The following GSDME variants were observed in gnomAD, a reference collection of about 807,000 sequenced individuals.
GSDME encodes the protein gasdermin-E.
In GSDME, 44 loss-of-function variants were observed where a neutral mutation model predicts 47.5. The ratio of observed to expected loss-of-function variants is 0.93; its 90% confidence interval spans 0.73 to 1.19. The LOEUF is 1.19. Ranked by LOEUF, GSDME falls within the 50% of genes most tolerant of loss-of-function variation. The pLI is 0.00. For synonymous variants in GSDME, 258 were observed against 252.8 expected, an observed-to-expected ratio of 1.02 and a Z score of -0.20; for missense variants, 663 against 604.2, an observed-to-expected ratio of 1.10 and a Z score of -1.02.
chr7:24,722,611 G>A (rs922612623), intron 3 of GSDME, among the ~76,000 whole-genome samples: 1 of 152,164 alleles, frequency 6.6e-6, no homozygotes, highest in African/African-American at 2.4e-5. Context: ...AGTCTGATGT[G>A]ACTCTGCTGG....
rs1187472622 is a variant in GSDME at position 24,735,917 on chromosome 7, TTTTA to T, written c.404+8641_404+8644del. On this transcript the variant is annotated intron_variant, in intron 3 of 9. Coordinates refer to ENST00000645220, the MANE Select transcript of GSDME (RefSeq NM_001127453.2). This position sits in a 1 kb window ranked among gnomAD's most constrained non-coding sequence, Gnocchi z 4.4. ...GGCGTGGAGTTTGTATTCATTTTCT[TTTTA>T]TTTGTTTATGCTAGCAGTGTTAAGT... Among the ~76,000 whole-genome samples the T allele has an allele frequency of 6.6e-6, 1 of 152,142 alleles. No homozygotes were observed. Among genetic ancestry groups the T allele is most frequent in the Non-Finnish European group, 1.5e-5 (1 of 68,020 alleles).
chr7:24,775,862 G>T, the GSDME span, among the ~76,000 whole-genome samples: 1 of 103,706 alleles, frequency 9.6e-6, no homozygotes, highest in African/African-American at 4.0e-5. Flanking sequence ...GTGACAGAGT[G>T]AGATTCCATC....
chr7:24,717,022 C>G (rs1789584099), intron 5 of GSDME: 1 of 557,774 alleles, frequency 1.8e-6, no homozygotes, highest in Non-Finnish European at 3.2e-6. Context: ...TGCCCCACAC[C>G]AATGTTGGAG....
the GSDME span, among the ~76,000 whole-genome samples, chr7:24,780,051 A>G: frequency 6.6e-6 from 1 of 152,242 alleles, no homozygotes; most frequent in Non-Finnish European, 1.5e-5. The surrounding 1 kb of genome is among the most constrained non-coding windows in gnomAD (Gnocchi z 4.1). Context: ...GGCTGCCCAC[A>G]TACAAAGAGA....
chr7:24,718,337 T>A (rs1024027295), intron 4 of GSDME, among the ~76,000 whole-genome samples: 18 of 152,220 alleles, frequency 1.2e-4, no homozygotes, highest in Admixed American at 3.3e-4. Flanking sequence ...GAGAAAGAGT[T>A]TGGGGCTGAT....
intron 3 of GSDME, among the ~76,000 whole-genome samples, chr7:24,720,217 CAGG>C (rs1738580014): frequency 6.6e-6 from 1 of 152,184 alleles, no homozygotes; most frequent in Non-Finnish European, 1.5e-5. Context: ...TTTTTATTTA[CAGG>C]AGATGATTTC....
intron 5 of GSDME, among the ~76,000 whole-genome samples, chr7:24,711,720 T>G (rs1465880466): frequency 6.8e-6 from 1 of 147,900 alleles, no homozygotes; most frequent in East Asian, 2.0e-4. Context: ...GAGGCTAAGG[T>G]AGGAGGATCC....
In GSDME at chr7:24,744,524, A is replaced by T. The variant is rs1339770048; in HGVS notation, c.404+38T>A. On this transcript the variant is annotated intron_variant, in intron 3 of 9. Transcript: ENST00000645220. The surrounding 1 kb of genome is among the most constrained non-coding windows in gnomAD (Gnocchi z 4.5). Reference sequence around the variant, plus strand: ...CAACTGAATGACCTTTAAATGTGAGATGTGTCAAAATCCAAAATGCCAAAC... The same window carrying T: ...CAACTGAATGACCTTTAAATGTGAGTTGTGTCAAAATCCAAAATGCCAAAC... 1.2e-6 allele frequency: 2 copies of T among 1,607,832 alleles called. No individual in the cohort carries two copies. The highest frequency in any genetic ancestry group is 1.7e-6 in the Non-Finnish European group (2 of 1,174,660).
At chr7:24,699,783 CTCTT>C (rs1170360947) in intron 9 of GSDME, among the ~76,000 whole-genome samples, 5 of 152,222 alleles carry the variant, frequency 3.3e-5, no homozygotes, top group South Asian at 2.1e-4. Context: ...ACTCTCCAAA[CTCTT>C]TCTACTAGTC....
Position 24,706,187 on chromosome 7 carries a change from C to G in GSDME, c.1180G>C (p.Ala394Pro), listed in dbSNP as rs1298708411. ...TTTCATTTTCTTTTCTCCTTACCTG[C>G]GAGGGCACTGACCAAGAAGTAGGCT... is the stretch of plus-strand genomic sequence containing the variant. Reference protein sequence around the residue: ...MTAYFLVSALAEMPDSAAALL... With the variant: ...MTAYFLVSALPEMPDSAAALL... Residue 394 changes from alanine (A) to proline (P), a missense_variant, in exon 8 of 10, where the codon GCA becomes CCA. By Grantham distance (27) the Ala-to-Pro change is conservative (BLOSUM62 -1). Coordinates refer to ENST00000645220, the MANE Select transcript of GSDME (RefSeq NM_001127453.2). The G allele has an allele frequency of 1.2e-6, 2 of 1,614,098 alleles. No individual in the cohort carries two copies. The highest frequency in any genetic ancestry group is 1.7e-5 in the Admixed American group (1 of 60,004).
the GSDME span, among the ~76,000 whole-genome samples, chr7:24,772,769 T>C: frequency 6.6e-6 from 1 of 152,354 alleles, no homozygotes; most frequent in East Asian, 1.9e-4. This position sits in a 1 kb window ranked among gnomAD's most constrained non-coding sequence, Gnocchi z 4.5. Flanking sequence ...AGTTCAGTAA[T>C]ATTTCAGAAA....
chr7:24,780,915 AG>A, the GSDME span, among the ~76,000 whole-genome samples: 1 of 152,182 alleles, frequency 6.6e-6, no homozygotes, highest in Admixed American at 6.5e-5. This position sits in a 1 kb window ranked among gnomAD's most constrained non-coding sequence, Gnocchi z 4.1. Flanking sequence ...CCCTACCCTC[AG>A]AAGGCCTAAC....
In GSDME at chr7:24,708,170, G is replaced by T; in HGVS notation, c.947C>A (p.Ala316Glu). 1.2e-6 allele frequency: 2 copies of T among 1,614,088 alleles called. No individual in the cohort carries two copies. The highest frequency in any genetic ancestry group is 1.6e-4 in the Middle Eastern group (1 of 6,062). The change falls in exon 7 of 10, where the codon GCG becomes GAG. Residue 316 changes from alanine to glutamate, a missense_variant. Transcript: ENST00000645220. ...GAGTAGTTCATCATCAAATAGGACC[G>T]CCTGGAAGATGTCACTCAAAGCTGT... ...QQTALSDIFQAVLFDDELLMV... is the reference protein window; with the variant it reads ...QQTALSDIFQEVLFDDELLMV...
upstream of GSDME, chr7:24,757,646 G>C (rs1023604404): frequency 1.3e-5 from 2 of 152,254 alleles, no homozygotes; most frequent in African/African-American, 4.8e-5. This position sits in a 1 kb window ranked among gnomAD's most constrained non-coding sequence, Gnocchi z 5.9. Context: ...GACTCTCTGG[G>C]AGCCGGGTTG....
At chr7:24,795,029 G>A in the GSDME span, among the ~76,000 whole-genome samples, 1 of 152,168 alleles carries the variant, frequency 6.6e-6, no homozygotes, top group Non-Finnish European at 1.5e-5. Context: ...AAGGCATGCC[G>A]TGGGTGATCA....
At chr7:24,723,328 AG>A in intron 3 of GSDME, among the ~76,000 whole-genome samples, 1 of 151,840 alleles carries the variant, frequency 6.6e-6, no homozygotes, top group Non-Finnish European at 1.5e-5. Flanking sequence ...CCAGGGGGAG[AG>A]CTGGTGTCCC....
At chr7:24,702,500 T>A (rs778167058) in intron 9 of GSDME, 47 of 401,222 alleles carry the variant, frequency 1.2e-4, no homozygotes, top group Non-Finnish European at 2.0e-4. Context: ...GGGAAAAGTA[T>A]AAGAGTTGGA....
chr7:24,745,489 C>T lies in GSDME; in HGVS notation c.212-735G>A, dbSNP rs1289143927. Among the ~76,000 whole-genome samples, 2 of 152,222 alleles carry T rather than the reference C, an allele frequency of 1.3e-5. No individual in the cohort carries two copies. Among genetic ancestry groups the T allele is most frequent in the Admixed American group, 1.3e-4 (2 of 15,284 alleles). ...CATATAATTCCTTATCTCTGACTTC[C>T]TGATAAGGTCAGTGGACATGCCCTT... On this transcript the variant is annotated intron_variant, in intron 2 of 9. Coordinates refer to ENST00000645220, the MANE Select transcript of GSDME (RefSeq NM_001127453.2). This position sits in a 1 kb window ranked among gnomAD's most constrained non-coding sequence, Gnocchi z 4.4.
intron 7 of GSDME, chr7:24,707,291 C>G (rs1181982841): frequency 2.1e-6 from 1 of 469,256 alleles, no homozygotes; most frequent in Admixed American, 2.4e-5. Flanking sequence ...TAGTCAAAAT[C>G]AGGTTTATAA....
Sources: allele counts gnomAD v4.1 joint callset (sites outside exome capture counted in the v4.1 genomes callset), GRCh38; gene constraint gnomAD v4.1.1; non-coding constraint Gnocchi (gnomAD v3.1); transcripts MANE v1.5; gene names NCBI Gene and HGNC (gene_info 2026-07-23, HGNC 2026-07-21).